The following CCDC146 variants were observed in gnomAD, a reference collection of about 807,000 sequenced individuals.
CCDC146 encodes coiled-coil domain-containing protein 146.
Under a neutral mutation model 119.3 loss-of-function variants are expected in CCDC146, and 92 were observed. The ratio of observed to expected loss-of-function variants is 0.77; its 90% CI spans 0.65 to 0.92. The LOEUF (loss-of-function observed/expected upper bound fraction) is 0.92, where lower values mean the gene tolerates loss of function less well. Among genes scored for constraint, CCDC146 ranks in the 40% least tolerant of loss-of-function variants. CCDC146 has a pLI of 0.00. For synonymous variants in CCDC146, 372 were observed against 371.8 expected, an observed-to-expected ratio of 1.00 and a Z score of -0.01; for missense variants, 1,000 against 1,103.0, an observed-to-expected ratio of 0.91 and a Z score of 1.32.
intron 2 of CCDC146, among the ~76,000 whole-genome samples, chr7:77,176,143 C>T (rs1372959011): frequency 6.6e-6 from 1 of 150,962 alleles, no homozygotes; most frequent in Admixed American, 6.6e-5. Flanking sequence ...TGTAGATGAC[C>T]CCAAAGTACC....
chr7:77,274,880 G>A (rs978933941), intron 11 of CCDC146, among the ~76,000 whole-genome samples: 1 of 152,134 alleles, frequency 6.6e-6, no homozygotes, highest in Non-Finnish European at 1.5e-5. Flanking sequence ...GCCTGTTGTG[G>A]GGTGAGGGGA....
At chr7:77,281,792 C>G (rs1024371197) in intron 14 of CCDC146, among the ~76,000 whole-genome samples, 41 of 152,050 alleles carry the variant, frequency 2.7e-4, no homozygotes, top group Admixed American at 9.8e-4. Flanking sequence ...GTGGGAAGAC[C>G]TTTAGGGTCC....
At position 77,295,136 on chromosome 7, in the gene CCDC146, A is replaced by G; in HGVS notation, c.*270A>G. The G allele has an allele frequency of 3.0e-6, 1 of 330,082 alleles. No homozygotes were observed. Among genetic ancestry groups the G allele is most frequent in the Non-Finnish European group, 5.6e-6 (1 of 179,326 alleles). The allele number at this position is 330,082 out of a possible 1,614,324, so 20.4% of individuals were successfully genotyped here. A position where few individuals can be genotyped will look rare whatever the true frequency, so the allele number is the denominator to read the frequency against. On this transcript the variant is annotated 3_prime_UTR_variant, in exon 19 of 19. Transcript: ENST00000285871. ...TTCTTTTTCACTCTTTATATTGAGT[A>G]CATTCCAGAAATTTGTAGTAGGCAA...
chr7:77,192,620 C>G (rs1791788803), intron 2 of CCDC146, among the ~76,000 whole-genome samples: 1 of 152,128 alleles, frequency 6.6e-6, no homozygotes, highest in African/African-American at 2.4e-5. Context: ...CAGATTTTAT[C>G]TTGTAGAAAA....
intron 1 of CCDC146, among the ~76,000 whole-genome samples, chr7:77,130,703 A>T (rs1356014601): frequency 7.0e-6 from 1 of 142,738 alleles, no homozygotes; most frequent in Non-Finnish European, 1.5e-5. Context: ...GGTTCACGCC[A>T]TTCTCCTGCC....
chr7:77,284,343 T>A (rs1368200403), intron 15 of CCDC146, among the ~76,000 whole-genome samples: 1 of 152,012 alleles, frequency 6.6e-6, no homozygotes, highest in Non-Finnish European at 1.5e-5. Flanking sequence ...TTCACTGGCT[T>A]CTCTTTCACC....
intron 2 of CCDC146, among the ~76,000 whole-genome samples, chr7:77,183,073 T>C (rs1460796445): frequency 6.6e-6 from 1 of 152,100 alleles, no homozygotes; most frequent in East Asian, 1.9e-4. Context: ...CTTCATGAAA[T>C]GGAGGCATGA....
intron 2 of CCDC146, among the ~76,000 whole-genome samples, chr7:77,173,030 T>A (rs1403853266): frequency 5.9e-5 from 9 of 151,770 alleles, no homozygotes; most frequent in African/African-American, 2.2e-4. Flanking sequence ...AAATGTAGAG[T>A]TCCATTGAGA....
At chr7:77,208,731 G>T (rs1039094922) in intron 2 of CCDC146, among the ~76,000 whole-genome samples, 1 of 152,148 alleles carries the variant, frequency 6.6e-6, no homozygotes, top group Non-Finnish European at 1.5e-5. Context: ...AAAATGAAGG[G>T]TCTCACTCTG....
intron 17 of CCDC146, among the ~76,000 whole-genome samples, chr7:77,288,948 T>G (rs917522055): frequency 6.6e-6 from 1 of 152,250 alleles, no homozygotes; most frequent in African/African-American, 2.4e-5. Context: ...AAGAAATGAT[T>G]GTAAATATTA....
chr7:77,182,316 C>A (rs1344216544), intron 2 of CCDC146, among the ~76,000 whole-genome samples: 1 of 152,164 alleles, frequency 6.6e-6, no homozygotes, highest in Non-Finnish European at 1.5e-5. Flanking sequence ...TCTAGCTGTG[C>A]AAACTTCAAG....
chr7:77,125,503 A>C (rs1790679863), intron 1 of CCDC146, among the ~76,000 whole-genome samples: 1 of 151,824 alleles, frequency 6.6e-6, no homozygotes, highest in Non-Finnish European at 1.5e-5. Flanking sequence ...TCAATAGTGA[A>C]AATATATTAC....
intron 17 of CCDC146, among the ~76,000 whole-genome samples, chr7:77,288,577 G>T (rs921374696): frequency 2.6e-5 from 4 of 152,224 alleles, no homozygotes; most frequent in African/African-American, 9.6e-5. Flanking sequence ...GCCATCAGAG[G>T]ACTGGCCACT....
intron 1 of CCDC146, among the ~76,000 whole-genome samples, chr7:77,123,011 GATGATA>G (rs569741762): frequency 1.4e-5 from 2 of 145,966 alleles, no homozygotes; most frequent in Admixed American, 1.4e-4. Flanking sequence ...TAAAAATGTA[GATGATA>G]ATACCTTCCT....
chr7:77,244,801 C>A (rs1405579568), intron 4 of CCDC146, among the ~76,000 whole-genome samples: 1 of 18,364 alleles, frequency 5.4e-5, no homozygotes, highest in Non-Finnish European at 8.8e-5. Flanking sequence ...TCCCACTGAC[C>A]TCCTTCCCCT....
intron 1 of CCDC146, among the ~76,000 whole-genome samples, chr7:77,154,640 CT>C (rs1226167679): frequency 5.3e-5 from 8 of 151,754 alleles, no homozygotes; most frequent in Non-Finnish European, 1.2e-4. Flanking sequence ...TGAACTCATC[CT>C]TTTTATGGCT....
intron 2 of CCDC146, among the ~76,000 whole-genome samples, chr7:77,227,029 T>G (rs1176029000): frequency 6.6e-6 from 1 of 152,210 alleles, no homozygotes; most frequent in Non-Finnish European, 1.5e-5. Flanking sequence ...AGAGATTTGT[T>G]TTTTTAGAGG....
chr7:77,280,407 C>T, intron 13 of CCDC146, 22 bp from the exon 14 acceptor site: 1 of 1,548,066 alleles, frequency 6.5e-7, no homozygotes. Flanking sequence ...TAATCTTACC[C>T]ATTGTCTTAT....
intron 1 of CCDC146, among the ~76,000 whole-genome samples, chr7:77,142,557 C>T (rs1790951564): frequency 6.6e-6 from 1 of 151,988 alleles, no homozygotes; most frequent in South Asian, 2.1e-4. Context: ...AATGCTTTCC[C>T]TCCCCCCTTC....
Sources: allele counts gnomAD v4.1 joint callset (sites outside exome capture counted in the v4.1 genomes callset), GRCh38; gene constraint gnomAD v4.1.1; transcripts MANE v1.5; gene names NCBI Gene and HGNC (gene_info 2026-07-23, HGNC 2026-07-21).